Variants in DNAH8 observed in about 807,000 individuals in gnomAD.
DNAH8 encodes dynein axonemal heavy chain 8.
A neutral mutation model predicts 562.1 loss-of-function variants in DNAH8; 382 were observed. The observed-to-expected ratio is 0.68, with a 90% CI of 0.63 to 0.74. The LOEUF (loss-of-function observed/expected upper bound fraction) is 0.74, where lower values mean the gene tolerates loss of function less well. DNAH8 is among the 30% of genes least tolerant of loss of function. The pLI is 0.00. For synonymous variants in DNAH8, 1,881 were observed against 1,919.4 expected, an observed-to-expected ratio of 0.98 and a Z score of 0.52; for missense variants, 5,203 against 5,620.4, an observed-to-expected ratio of 0.93 and a Z score of 2.37.
intron 66 of DNAH8, among the ~76,000 whole-genome samples, chr6:38,913,626 A>G (rs1313436939): frequency 6.6e-6 from 1 of 152,134 alleles, no homozygotes; most frequent in Non-Finnish European, 1.5e-5. Context: ...TAGCTACGTG[A>G]TATTCTTCGG....
At chr6:38,736,366 A>T (rs1291903088) in intron 5 of DNAH8, among the ~76,000 whole-genome samples, 1 of 152,186 alleles carries the variant, frequency 6.6e-6, no homozygotes, top group African/African-American at 2.4e-5. Context: ...GAATACTAAG[A>T]TGCTAGTTGC....
Position 38,750,510 on chromosome 6 carries a change from C to T in DNAH8, c.1328C>T (p.Thr443Ile), listed in dbSNP as rs758332333. 3.1e-6 allele frequency: 5 copies of T among 1,611,264 alleles called. No individual in the cohort carries two copies. The highest frequency in any genetic ancestry group is 4.2e-6 in the Non-Finnish European group (5 of 1,178,640). The change falls in exon 9 of 93, where the codon ACA becomes ATA. Residue 443 changes from threonine (T) to isoleucine (I), a missense_variant. Around this residue, in one of 6 missense-constraint regions of DNAH8, gnomAD observed 2,176 missense variants for 2,365.1 expected, o/e 0.92. Coordinates refer to ENST00000327475, the MANE Select transcript of DNAH8 (RefSeq NM_001206927.2). Reference protein sequence around the residue: ...WRDLDARITDTANESKDNVRY... With the variant: ...WRDLDARITDIANESKDNVRY... The stretch of plus-strand genomic sequence containing the variant: ...GATTTGGATGCAAGAATCACTGATA[C>T]AGCAAATGAATCCAAAGATAATGTC...
chr6:38,916,176 A>G (rs1348511118), intron 68 of DNAH8, among the ~76,000 whole-genome samples: 1 of 152,080 alleles, frequency 6.6e-6, no homozygotes, highest in African/African-American at 2.4e-5. Flanking sequence ...CTTCAACTTT[A>G]TCTCTTGTCA....
chr6:38,851,902 T>C (rs1053389779), intron 39 of DNAH8, among the ~76,000 whole-genome samples: 1 of 152,222 alleles, frequency 6.6e-6, no homozygotes, highest in African/African-American at 2.4e-5. Flanking sequence ...TGTGTGATCT[T>C]GGCAGGCTTC....
At chr6:38,993,227 C>T (rs1764909858) in intron 88 of DNAH8, among the ~76,000 whole-genome samples, 1 of 152,154 alleles carries the variant, frequency 6.6e-6, no homozygotes, top group African/African-American at 2.4e-5. Context: ...CATTTACTTG[C>T]AATTACTATG....
In DNAH8 at chr6:38,867,089, A is replaced by T. The variant is rs576480747; in HGVS notation, c.6693+213A>T. On this transcript the variant is annotated intron_variant, in intron 47 of 92. Transcript: ENST00000327475. The stretch of plus-strand genomic sequence containing the variant: ...CACAGGAAGTTGCAAAGGAATGTAC[A>T]GGGAGGCATGTACCCTTCACCCTGC... Among the ~76,000 whole-genome samples the T allele has an allele frequency of 3.3e-5, 5 of 152,308 alleles. No homozygotes were observed. In the East Asian group the frequency reaches 9.7e-4, roughly 29 times the overall value.
chr6:38,955,442 C>A (rs1185636734), intron 82 of DNAH8, among the ~76,000 whole-genome samples: 1 of 151,956 alleles, frequency 6.6e-6, no homozygotes, highest in Non-Finnish European at 1.5e-5. Flanking sequence ...GTCAGCCTGA[C>A]CAACATGGCA....
intron 27 of DNAH8, among the ~76,000 whole-genome samples, chr6:38,823,354 C>T (rs747958908): frequency 2.0e-5 from 3 of 152,168 alleles, no homozygotes; most frequent in Non-Finnish European, 2.9e-5. Flanking sequence ...CGGTTAGAGA[C>T]GCAAGGGAAC....
chr6:38,955,462 G>T (rs1197150944), intron 82 of DNAH8, among the ~76,000 whole-genome samples: 2 of 151,822 alleles, frequency 1.3e-5, no homozygotes, highest in African/African-American at 4.8e-5. Context: ...AAAACCCCAT[G>T]TCTACTAAAA....
At chr6:39,009,787 ATTATTGTTTCCATTGTGTAGATAGG>A (rs1432116256) in intron 89 of DNAH8, among the ~76,000 whole-genome samples, 5 of 152,184 alleles carry the variant, frequency 3.3e-5, no homozygotes, top group Non-Finnish European at 7.4e-5. Flanking sequence ...TCTTAAAATA[ATTATTGTTTCCATTGTGTAGATAGG>A]TACCAAGACC....
At chr6:38,802,308 G>C (rs1047362052) in intron 21 of DNAH8, among the ~76,000 whole-genome samples, 1 of 151,736 alleles carries the variant, frequency 6.6e-6, no homozygotes, top group Non-Finnish European at 1.5e-5. Context: ...GCAGTGGCGC[G>C]ATCATGGCTC....
intron 9 of DNAH8, among the ~76,000 whole-genome samples, chr6:38,751,367 T>G (rs748949028): frequency 5.3e-5 from 8 of 152,322 alleles, no homozygotes; most frequent in East Asian, 1.9e-4. Flanking sequence ...TCATTTCTGT[T>G]GTATTCTATT....
chr6:38,845,647 A>G lies in DNAH8; in HGVS notation c.4919A>G (p.Asn1640Ser). 1 of 1,614,000 alleles carries G rather than the reference A, an allele frequency of 6.2e-7. No homozygotes were observed. The highest frequency in any genetic ancestry group is 8.5e-7 in the Non-Finnish European group (1 of 1,179,888). ...KLTQVIENWT[N>S]QNLSFAAFKG... ...ACTCAGGTGATTGAGAATTGGACCA[A>G]CCAAAATCTGAGTTTTGCAGCATTT... Residue 1640 changes from asparagine to serine, a missense_variant, in exon 36 of 93, where the codon AAC becomes AGC. Physicochemically the swap from Asn to Ser is conservative, Grantham distance 46. This residue lies in a region of DNAH8 where 2,176 missense variants were observed against 2,365.1 expected (regional missense o/e 0.92). Transcript: ENST00000327475.
chr6:38,776,578 A>G (rs1768102111), intron 13 of DNAH8, among the ~76,000 whole-genome samples: 1 of 152,062 alleles, frequency 6.6e-6, no homozygotes, highest in African/African-American at 2.4e-5. Flanking sequence ...ACAAGAGAGC[A>G]TTTGTAAACA....
chr6:38,936,350 G>C (rs1375884574), intron 77 of DNAH8: 2 of 152,158 alleles, frequency 1.3e-5, no homozygotes, highest in Non-Finnish European at 2.9e-5. Flanking sequence ...CCTCTGGGCA[G>C]CCAAATCATC....
At chr6:38,823,793 C>A in intron 28 of DNAH8, 105 bp downstream of exon 28, 1 of 551,494 alleles carries the variant, frequency 1.8e-6, no homozygotes, top group South Asian at 3.6e-5. Context: ...AGTATTATAC[C>A]AAGATATAAT....
At chr6:38,856,239 A>G (rs988110945) in intron 41 of DNAH8, among the ~76,000 whole-genome samples, 1 of 152,192 alleles carries the variant, frequency 6.6e-6, no homozygotes, top group African/African-American at 2.4e-5. Flanking sequence ...TGTGCTTATT[A>G]TAGGCATCGA....
At position 38,882,913 on chromosome 6, in the gene DNAH8, A is replaced by T; in HGVS notation, c.7862A>T (p.Asp2621Val). Residue 2621 changes from aspartate (D) to valine (V), a missense_variant, in exon 54 of 93, where the codon GAT becomes GTT. Physicochemically the swap from Asp to Val is radical, Grantham distance 152. Transcript: ENST00000327475. ...MYEFYVTDYG[D>V]WEHWNKKLQP... ...TGAAATTTTACTTATTATATAGGTG[A>T]TTGGGAGCACTGGAATAAGAAACTT... The T allele has an allele frequency of 1.9e-6, 3 of 1,572,048 alleles. 1 individual carries two copies. In the South Asian group the frequency reaches 3.7e-5, roughly 19 times the overall value.
chr6:38,822,575 A>G (rs1334908670), intron 26 of DNAH8, among the ~76,000 whole-genome samples: 1 of 152,160 alleles, frequency 6.6e-6, no homozygotes, highest in Non-Finnish European at 1.5e-5. Flanking sequence ...GGGTGTTTTA[A>G]TCAGTGTCTT....
Sources: allele counts gnomAD v4.1 joint callset (sites outside exome capture counted in the v4.1 genomes callset), GRCh38; gene constraint gnomAD v4.1.1; regional missense constraint gnomAD v4.1.1; transcripts MANE v1.5; gene names NCBI Gene and HGNC (gene_info 2026-07-23, HGNC 2026-07-21).